Variants in RAD51B observed in about 807,000 individuals in gnomAD.
RAD51B encodes RAD51 paralog B.
Under a neutral mutation model 42.2 loss-of-function variants are expected in RAD51B, and 38 were observed. The observed-to-expected ratio is 0.90, with a 90% confidence interval of 0.70 to 1.18. The LOEUF (loss-of-function observed/expected upper bound fraction) is 1.18, where lower values mean the gene tolerates loss of function less well. Among genes scored for constraint, RAD51B ranks in the 50% most tolerant of loss-of-function variants. The pLI, the probability that RAD51B is intolerant of heterozygous loss-of-function variation, is 0.00. For synonymous variants in RAD51B, 154 were observed against 145.2 expected, an observed-to-expected ratio of 1.06 and a Z score of -0.43; for missense variants, 373 against 400.7, an observed-to-expected ratio of 0.93 and a Z score of 0.59.
chr14:68,251,951 T>C (rs557311362), intron 7 of RAD51B, among the ~76,000 whole-genome samples: 1 of 152,356 alleles, frequency 6.6e-6, no homozygotes, highest in Non-Finnish European at 1.5e-5. Flanking sequence ...TGTCTGCCAT[T>C]TGGGGAAGCC....
chr14:68,056,576 C>G (rs964571787), intron 7 of RAD51B, among the ~76,000 whole-genome samples: 3 of 151,786 alleles, frequency 2.0e-5, no homozygotes, highest in African/African-American at 7.3e-5. Context: ...CGGTGAAACC[C>G]TGTCTCTACT....
intron 8 of RAD51B, among the ~76,000 whole-genome samples, chr14:68,383,372 T>G (rs543243045): frequency 5.3e-5 from 8 of 152,234 alleles, no homozygotes; most frequent in African/African-American, 1.9e-4. Context: ...CCAGGGACAA[T>G]GCTAAGCATC....
chr14:68,616,862 T>A (rs921269189), intron 10 of RAD51B, among the ~76,000 whole-genome samples: 3 of 152,048 alleles, frequency 2.0e-5, no homozygotes, highest in African/African-American at 7.2e-5. Context: ...ACTTTTCTCC[T>A]TGTAGCATCT....
chr14:67,934,382 C>T (rs1196937777), intron 7 of RAD51B, among the ~76,000 whole-genome samples: 2 of 152,000 alleles, frequency 1.3e-5, no homozygotes, highest in African/African-American at 4.8e-5. Context: ...AGTAAACAGG[C>T]GTACTGTGAA....
At chr14:68,514,671 C>T (rs1163070608) in intron 10 of RAD51B, among the ~76,000 whole-genome samples, 2 of 152,110 alleles carry the variant, frequency 1.3e-5, no homozygotes, top group South Asian at 2.1e-4. Flanking sequence ...AGGCATTTGG[C>T]GGGTGGAAGT....
chr14:68,284,091 C>G (rs896241463), intron 7 of RAD51B, among the ~76,000 whole-genome samples: 5 of 152,216 alleles, frequency 3.3e-5, no homozygotes, highest in African/African-American at 9.6e-5. Flanking sequence ...AGGGGCTCCC[C>G]TACTAGGCAG....
At chr14:68,343,719 C>T (rs1297298471) in intron 8 of RAD51B, among the ~76,000 whole-genome samples, 1 of 152,254 alleles carries the variant, frequency 6.6e-6, no homozygotes, top group Non-Finnish European at 1.5e-5. Flanking sequence ...ACAGACTCTG[C>T]TATCAGACCC....
intron 8 of RAD51B, among the ~76,000 whole-genome samples, chr14:68,344,571 T>C (rs1425953701): frequency 4.7e-4 from 65 of 137,568 alleles, no homozygotes; most frequent in Middle Eastern, 4.9e-3. Flanking sequence ...GGCGTGAACC[T>C]GGGAGGCGGA....
intron 10 of RAD51B, among the ~76,000 whole-genome samples, chr14:68,549,962 T>C (rs940022773): frequency 1.3e-5 from 2 of 152,132 alleles, no homozygotes; most frequent in Non-Finnish European, 2.9e-5. Flanking sequence ...CCCACATCTG[T>C]TTTAGTGGTG....
At chr14:68,081,925 A>G (rs552295851) in intron 7 of RAD51B, among the ~76,000 whole-genome samples, 66 of 152,180 alleles carry the variant, frequency 4.3e-4, no homozygotes, top group African/African-American at 1.5e-3. Flanking sequence ...CCTAACAATT[A>G]TGTGATGTTT....
chr14:68,532,759 C>G (rs1887390887), intron 10 of RAD51B, among the ~76,000 whole-genome samples: 1 of 149,872 alleles, frequency 6.7e-6, no homozygotes, highest in Non-Finnish European at 1.5e-5. Flanking sequence ...CCTAAGAATA[C>G]AAGAACAGAC....
intron 8 of RAD51B, among the ~76,000 whole-genome samples, chr14:68,400,324 A>G (rs78479750): frequency 0.022 from 3,396 of 152,308 alleles, 54 homozygotes; most frequent in South Asian, 0.045. Flanking sequence ...GGTAAAGGAC[A>G]TGCCACTTTG....
chr14:68,564,196 C>T (rs1350518982), intron 10 of RAD51B, among the ~76,000 whole-genome samples: 1 of 152,208 alleles, frequency 6.6e-6, no homozygotes, highest in Non-Finnish European at 1.5e-5. Context: ...AACCTCAGGG[C>T]CTACCAAGAA....
At chr14:68,351,709 G>C (rs2139874181) in intron 8 of RAD51B, among the ~76,000 whole-genome samples, 1 of 152,314 alleles carries the variant, frequency 6.6e-6, no homozygotes, top group South Asian at 2.1e-4. Flanking sequence ...GACTGCAAGA[G>C]TGAGGGAATG....
At chr14:68,084,254 C>T (rs2076953968) in intron 7 of RAD51B, among the ~76,000 whole-genome samples, 1 of 152,118 alleles carries the variant, frequency 6.6e-6, no homozygotes, top group African/African-American at 2.4e-5. Context: ...TCTCATTTTA[C>T]AGAGGAAGTT....
At chr14:68,518,372 G>A (rs1373520235) in intron 10 of RAD51B, among the ~76,000 whole-genome samples, 3 of 152,202 alleles carry the variant, frequency 2.0e-5, no homozygotes, top group Admixed American at 1.3e-4. Context: ...GTGACTGCAG[G>A]CCCCGGTCTG....
intron 7 of RAD51B, among the ~76,000 whole-genome samples, chr14:67,902,292 A>G (rs532108920): frequency 2.0e-5 from 3 of 152,246 alleles, no homozygotes; most frequent in African/African-American, 7.2e-5. Context: ...ACTTTCATAT[A>G]TAATAATTTT....
intron 7 of RAD51B, among the ~76,000 whole-genome samples, chr14:67,979,546 C>G (rs1156376380): frequency 2.0e-5 from 3 of 152,080 alleles, no homozygotes; most frequent in Non-Finnish European, 4.4e-5. Context: ...AACATTATGC[C>G]TTTTCCTGTT....
At chr14:68,540,704 C>A (rs921784022) in intron 10 of RAD51B, 1 of 985,256 alleles carries the variant, frequency 1.0e-6, no homozygotes, top group African/African-American at 1.7e-5. Context: ...TCTAGCCAAC[C>A]AAAAGAAAGA....
Sources: allele counts gnomAD v4.1 joint callset (sites outside exome capture counted in the v4.1 genomes callset), GRCh38; gene constraint gnomAD v4.1.1; transcripts MANE v1.5; gene names NCBI Gene and HGNC (gene_info 2026-07-23, HGNC 2026-07-21).